ZFPM2: variants seen among roughly 807,000 people sequenced by gnomAD.
ZFPM2 encodes the protein zinc finger protein ZFPM2.
In ZFPM2, 20 loss-of-function variants were observed where a neutral mutation model predicts 98.6. That is an observed-to-expected ratio of 0.20 (90% CI 0.14 to 0.29). ZFPM2 has a LOEUF of 0.29. Among genes scored for constraint, ZFPM2 ranks in the 10% least tolerant of loss-of-function variants. The pLI, the probability that ZFPM2 is intolerant of heterozygous loss-of-function variation, is 1.00. For missense variants in ZFPM2, 1,310 were observed against 1,388.6 expected (o/e 0.94, Z 0.90); for synonymous variants, 518 against 502.7 (o/e 1.03, Z -0.41).
chr8:105,554,311 C>A (rs534275324), intron 3 of ZFPM2, among the ~76,000 whole-genome samples: 66 of 152,238 alleles, frequency 4.3e-4, no homozygotes, highest in Non-Finnish European at 6.9e-4. Context: ...TGAAGATAAT[C>A]AGCAGTGAAA....
intron 5 of ZFPM2, among the ~76,000 whole-genome samples, chr8:105,773,478 T>C (rs2131095196): frequency 6.6e-6 from 1 of 152,140 alleles, no homozygotes; most frequent in African/African-American, 2.4e-5. Flanking sequence ...ATGAAAATAT[T>C]CATTTGGAGT....
At chr8:105,738,086 TG>T (rs1258125179) in intron 5 of ZFPM2, among the ~76,000 whole-genome samples, 1 of 151,948 alleles carries the variant, frequency 6.6e-6, no homozygotes, top group Non-Finnish European at 1.5e-5. Flanking sequence ...ACTTGTGTCA[TG>T]GGGGTTCGTT....
At chr8:105,705,466 G>A (rs1020829795) in intron 5 of ZFPM2, among the ~76,000 whole-genome samples, 2 of 152,090 alleles carry the variant, frequency 1.3e-5, no homozygotes, top group Non-Finnish European at 2.9e-5. Context: ...TATCAGGGAA[G>A]GGTCTATGTA....
intron 5 of ZFPM2, among the ~76,000 whole-genome samples, chr8:105,682,575 C>A (rs974086122): frequency 2.0e-5 from 3 of 152,094 alleles, no homozygotes; most frequent in African/African-American, 7.2e-5. Context: ...ATTTATACAT[C>A]TTGGTAGATT....
intron 4 of ZFPM2, among the ~76,000 whole-genome samples, chr8:105,601,169 A>G (rs1816083805): frequency 6.6e-6 from 1 of 152,106 alleles, no homozygotes; most frequent in Non-Finnish European, 1.5e-5. Context: ...GCCCTGCACC[A>G]TACTGCAAGG....
intron 3 of ZFPM2, among the ~76,000 whole-genome samples, chr8:105,505,413 C>T (rs302959): frequency 0.67 from 102,427 of 151,962 alleles, 36,280 homozygotes; most frequent in African/African-American, 0.89. Flanking sequence ...TAGGGGAATG[C>T]GTCAGTCATT....
At chr8:105,589,332 A>AT (rs34604527) in intron 4 of ZFPM2, among the ~76,000 whole-genome samples, 1 of 152,198 alleles carries the variant, frequency 6.6e-6, no homozygotes, top group Admixed American at 6.5e-5. Flanking sequence ...ATAACAATAC[A>AT]TTTCTCAAGC....
intron 5 of ZFPM2, among the ~76,000 whole-genome samples, chr8:105,768,212 A>C (rs925745564): frequency 5.9e-5 from 9 of 151,830 alleles, no homozygotes; most frequent in African/African-American, 2.2e-4. Context: ...TAGAAGCTGC[A>C]GTTAAATTCA....
At chr8:105,553,587 C>A (rs1295427126) in intron 3 of ZFPM2, among the ~76,000 whole-genome samples, 1 of 152,116 alleles carries the variant, frequency 6.6e-6, no homozygotes, top group Non-Finnish European at 1.5e-5. Flanking sequence ...CAAGCTAATT[C>A]AGTGCTCTTT....
intron 5 of ZFPM2, among the ~76,000 whole-genome samples, chr8:105,720,260 C>T (rs1811629295): frequency 6.6e-6 from 1 of 151,848 alleles, no homozygotes; most frequent in Non-Finnish European, 1.5e-5. Context: ...ACTCCTCCCA[C>T]CCACCTGATC....
At chr8:105,436,647 A>G (rs981144542) in intron 2 of ZFPM2, among the ~76,000 whole-genome samples, 3 of 152,186 alleles carry the variant, frequency 2.0e-5, no homozygotes, top group African/African-American at 7.2e-5. Flanking sequence ...GTAATGTCCT[A>G]GTAAGTTAGA....
chr8:105,675,163 T>C (rs1051190592), intron 5 of ZFPM2, among the ~76,000 whole-genome samples: 9 of 152,184 alleles, frequency 5.9e-5, no homozygotes, highest in Non-Finnish European at 5.9e-5. Context: ...ATGAAGGCAT[T>C]GGTGCTCAAA....
At chr8:105,393,209 CG>C (rs1469485076) in intron 1 of ZFPM2, among the ~76,000 whole-genome samples, 1 of 151,938 alleles carries the variant, frequency 6.6e-6, no homozygotes, top group African/African-American at 2.4e-5. Flanking sequence ...TAAACCATGC[CG>C]TTGGAAGTGT....
intron 1 of ZFPM2, among the ~76,000 whole-genome samples, chr8:105,393,095 A>G (rs1475858630): frequency 6.6e-6 from 1 of 152,208 alleles, no homozygotes; most frequent in Non-Finnish European, 1.5e-5. Flanking sequence ...GGTGCTTTCC[A>G]TCTGTAACAT....
chr8:105,577,775 CAA>C (rs5893750), intron 4 of ZFPM2, among the ~76,000 whole-genome samples: 65 of 111,218 alleles, frequency 5.8e-4, no homozygotes, highest in East Asian at 1.9e-3. Context: ...GTGAGGAAAC[CAA>C]AAAAAAAAAA....
intron 4 of ZFPM2, among the ~76,000 whole-genome samples, chr8:105,591,573 A>C (rs1207669141): frequency 6.6e-6 from 1 of 152,180 alleles, no homozygotes; most frequent in Non-Finnish European, 1.5e-5. Context: ...CATTAGAAAA[A>C]TTTTATTTAA....
intron 5 of ZFPM2, among the ~76,000 whole-genome samples, chr8:105,707,817 A>G (rs1811297970): frequency 6.6e-6 from 1 of 152,192 alleles, no homozygotes; most frequent in African/African-American, 2.4e-5. Flanking sequence ...TTTCACATAA[A>G]CATCCAACAT....
chr8:105,490,132 A>C (rs2130428451), intron 3 of ZFPM2, among the ~76,000 whole-genome samples: 1 of 152,198 alleles, frequency 6.6e-6, no homozygotes, highest in African/African-American at 2.4e-5. Context: ...CTGTAATCCC[A>C]GCTACTCAGG....
chr8:105,392,478 A>G (rs1164182507), intron 1 of ZFPM2, among the ~76,000 whole-genome samples: 10 of 152,198 alleles, frequency 6.6e-5, no homozygotes, highest in Admixed American at 6.5e-4. Context: ...TAGCACATAT[A>G]CTTGTAAAAT....
Sources: allele counts gnomAD v4.1 joint callset (sites outside exome capture counted in the v4.1 genomes callset), GRCh38; gene constraint gnomAD v4.1.1; transcripts MANE v1.5; gene names NCBI Gene and HGNC (gene_info 2026-07-23, HGNC 2026-07-21).